Variants in EPS8L3 observed in about 807,000 individuals in gnomAD.
EPS8L3 encodes EPS8 signaling adaptor L3.
A neutral mutation model predicts 88.5 loss-of-function variants in EPS8L3; 80 were observed. That is an observed-to-expected ratio of 0.90 (90% CI 0.75 to 1.09). The LOEUF (loss-of-function observed/expected upper bound fraction) is 1.09, where lower values mean the gene tolerates loss of function less well. EPS8L3 is among the 50% of genes least tolerant of loss of function. The pLI is 0.00. For synonymous variants in EPS8L3, 286 were observed against 291.0 expected (o/e 0.98, Z 0.18); for missense variants, 721 against 735.2 (o/e 0.98, Z 0.22).
At position 109,750,391 on chromosome 1, in the gene EPS8L3, C is replaced by T. The variant is rs1257419243; in HGVS notation, c.1782G>A (p.Ter594=). 1.2e-6 allele frequency: 2 copies of T among 1,613,768 alleles called. No homozygotes were observed. Among genetic ancestry groups the T allele is most frequent in the Admixed American group, 3.3e-5 (2 of 59,986 alleles). The change falls in exon 19 of 19, where the codon TAG becomes TAA. Residue 594 remains the stop codon, a stop_retained_variant. Coordinates refer to ENST00000361965, the MANE Select transcript of EPS8L3 (RefSeq NM_133181.4). ...TTCTTGGAGGTGTCTAAGCTGGTGC[C>T]TAAGGGCTTATCTGAGGAAAGACAA... The part of the protein sequence containing the change: ...AVRRMLGISP[*]
chr1:109,758,336 C>G lies in EPS8L3; in HGVS notation c.697G>C (p.Glu233Gln), dbSNP rs150245280. The change falls in exon 8 of 19, where the codon GAG becomes CAG. Residue 233 changes from glutamate to glutamine, a missense_variant. Glu to Gln is a conservative substitution (Grantham distance 29). Transcript: ENST00000361965. ...LPPPRRSSSP[E>Q]DPERDEEVLN... Reference sequence around the variant, plus strand: ...GTTACCTCGTCCCTCTCTGGGTCCTCGGGGGAAGAGGACCGCCTTGGAGGA... The same window carrying G: ...GTTACCTCGTCCCTCTCTGGGTCCTGGGGGGAAGAGGACCGCCTTGGAGGA... 5.4e-5 allele frequency: 87 copies of G among 1,613,488 alleles called. No homozygotes were observed. The highest frequency in any genetic ancestry group is 6.9e-5 in the Non-Finnish European group (82 of 1,179,864).
At chr1:109,755,121 C>T (rs929108555) in intron 12 of EPS8L3, among the ~76,000 whole-genome samples, 31 of 152,276 alleles carry the variant, frequency 2.0e-4, no homozygotes, top group African/African-American at 6.7e-4. Flanking sequence ...TTTAAGTGAA[C>T]AAGCCACATA....
chr1:109,762,794 TAGAG>T (rs1192635443), intron 1 of EPS8L3, among the ~76,000 whole-genome samples: 1 of 152,234 alleles, frequency 6.6e-6, no homozygotes, highest in East Asian at 1.9e-4. Context: ...GAACGTTTAA[TAGAG>T]AGCAACCCAG....
At chr1:109,753,317 T>C (rs1326266663) in intron 12 of EPS8L3, 119 bp from the exon 13 acceptor site, 1 of 754,312 alleles carries the variant, frequency 1.3e-6, no homozygotes, top group African/African-American at 1.8e-5. Context: ...GGCTAATAGG[T>C]GACATGGTCC....
intron 18 of EPS8L3, 114 bp downstream of exon 18, chr1:109,750,546 C>T (rs568876247): frequency 6.3e-7 from 1 of 1,584,246 alleles, no homozygotes; most frequent in South Asian, 1.1e-5. Context: ...CCAGCACCCG[C>T]CACACTCAGT....
At position 109,753,150 on chromosome 1, in the gene EPS8L3, T is replaced by C. The variant is rs1887547; in HGVS notation, c.1167A>G (p.Ser389=). The change falls in exon 13 of 19, where the codon TCA becomes TCG. Residue 389 remains serine, a synonymous_variant. Transcript: ENST00000361965. The part of the protein sequence containing the change: ...DEPLPYQPTF[S]DDWQLPEPSS... Reference sequence around the variant, plus strand: ...AGGGCTCTGGAAGTTGCCAGTCATCTGAGAATGTGGGTTGGTAGGGCAGGG... The same window carrying C: ...AGGGCTCTGGAAGTTGCCAGTCATCCGAGAATGTGGGTTGGTAGGGCAGGG... 1,018,021 of 1,612,672 alleles carry C rather than the reference T, an allele frequency of 0.63. 326,142 individuals are homozygous for C. The highest frequency in any genetic ancestry group is 0.88 in the African/African-American group (65,851 of 74,920).
In EPS8L3 at chr1:109,761,726, G is replaced by C. The variant is rs781516579; in HGVS notation, c.24C>G (p.Ala8=). Residue 8 remains alanine (A), a synonymous_variant, in exon 2 of 19, where the codon GCC becomes GCG. Transcript: ENST00000361965. MSRPSSR[A]IYLHRKEYSQ... ...GGCCTGCCAGGAGCTTACAGTAAATGGCTCTGCTGCTGGGCCTTGACATGT... is the reference window on the plus strand; with the variant it reads ...GGCCTGCCAGGAGCTTACAGTAAATCGCTCTGCTGCTGGGCCTTGACATGT... 1.9e-6 allele frequency: 3 copies of C among 1,613,984 alleles called. No individual in the cohort carries two copies. The Admixed American group carries it at 5.0e-5, about 27-fold the overall frequency.
chr1:109,762,107 C>T (rs1651037931), intron 1 of EPS8L3, among the ~76,000 whole-genome samples: 1 of 152,164 alleles, frequency 6.6e-6, no homozygotes, highest in Non-Finnish European at 1.5e-5. Flanking sequence ...GGACAGGGAC[C>T]TGCGTTCAGA....
rs183852988 is a variant in EPS8L3 at position 109,759,087 on chromosome 1, C to T, written c.436G>A (p.Ala146Thr). The T allele has an allele frequency of 2.8e-4, 452 of 1,609,482 alleles. 3 individuals are homozygous for T. In the East Asian group the frequency reaches 5.1e-3, roughly 18 times the overall value. Residue 146 changes from alanine to threonine, a missense_variant, in exon 6 of 19, where the codon GCT (alanine) becomes ACT (threonine). Coordinates refer to ENST00000361965, the MANE Select transcript of EPS8L3 (RefSeq NM_133181.4). This position sits in a 1 kb window ranked among gnomAD's most constrained non-coding sequence, Gnocchi z 4.2. ...AERLKTSLQK[A>T]LEEELEQRPR... ...CTTTGCTCCAGCTCTTCCTCCAGAGCCTTCTGCAGGCTGGTCTTCAGTCGC... is the reference window on the plus strand; with the variant it reads ...CTTTGCTCCAGCTCTTCCTCCAGAGTCTTCTGCAGGCTGGTCTTCAGTCGC...
Position 109,761,770 on chromosome 1 carries a change from C to T in EPS8L3, c.-21G>A. 1 of 1,613,972 alleles carries T rather than the reference C, an allele frequency of 6.2e-7. No homozygotes were observed. The highest frequency in any genetic ancestry group is 8.5e-7 in the Non-Finnish European group (1 of 1,179,994). On this transcript the variant is annotated 5_prime_UTR_variant, in exon 2 of 19. Coordinates refer to ENST00000361965, the MANE Select transcript of EPS8L3 (RefSeq NM_133181.4). ...GACATGTTGACGCTGCTGAGGACGG[C>T]TCCCTAGAACCCAAAGTGAACCAGA...
chr1:109,754,916 G>A (rs546702937), intron 12 of EPS8L3, among the ~76,000 whole-genome samples: 1 of 152,284 alleles, frequency 6.6e-6, no homozygotes, highest in East Asian at 1.9e-4. Flanking sequence ...GGGAGGTCCA[G>A]AACTGATAAG....
At position 109,757,936 on chromosome 1, in the gene EPS8L3, G is replaced by A. The variant is rs760288084; in HGVS notation, c.832+8C>T. On this transcript the variant is annotated splice_region_variant and intron_variant, in intron 9 of 18. Transcript: ENST00000361965. ...CCCTACTCCTCTTCCCTGGCCCTCA[G>A]TACTCACCTCCCTGGTCCTTGTTTT... is the stretch of plus-strand genomic sequence containing the variant. The A allele has an allele frequency of 5.6e-6, 9 of 1,613,858 alleles. No individual in the cohort carries two copies. In the South Asian group the frequency reaches 7.7e-5, roughly 14 times the overall value.
rs577159080 is a variant in EPS8L3, at chr1:109,750,700, C to A, written c.1730G>T (p.Arg577Leu). Residue 577 changes from arginine (R) to leucine (L), a missense_variant, in exon 18 of 19, where the codon CGA (arginine) becomes CTA (leucine). Coordinates refer to ENST00000361965, the MANE Select transcript of EPS8L3 (RefSeq NM_133181.4). The stretch of plus-strand genomic sequence containing the variant: ...GACAGCCTCCAGCCGGGACAGGATT[C>A]GTGGGGCCTCCTGTGGACATAGCAT... ...LQMLCPQEAP[R>L]ILSRLEAVRR... The A allele has an allele frequency of 6.2e-7, 1 of 1,614,202 alleles. No individual in the cohort carries two copies. The highest frequency in any genetic ancestry group is 8.5e-7 in the Non-Finnish European group (1 of 1,180,040).
At chr1:109,761,202 G>A (rs573496716) in intron 3 of EPS8L3, 1 of 360,980 alleles carries the variant, frequency 2.8e-6, no homozygotes, top group African/African-American at 2.0e-5. Flanking sequence ...GTGGTTGTAG[G>A]TGCTTCTTAT....
At chr1:109,758,261 C>T (rs987126933) in intron 8 of EPS8L3, 55 bp downstream of exon 8, 1 of 1,530,038 alleles carries the variant, frequency 6.5e-7, no homozygotes, top group Non-Finnish European at 9.0e-7. Flanking sequence ...GGTTGGTGTC[C>T]TTCCTTTTCC....
At chr1:109,756,325 G>A (rs1266014392) in intron 12 of EPS8L3, among the ~76,000 whole-genome samples, 4 of 152,136 alleles carry the variant, frequency 2.6e-5, no homozygotes, top group South Asian at 2.1e-4. Context: ...TACAACCTCC[G>A]CCTCCCAGGT....
intron 7 of EPS8L3, 35 bp downstream of exon 7, chr1:109,758,489 C>G: frequency 1.3e-6 from 2 of 1,562,254 alleles, no homozygotes; most frequent in South Asian, 1.2e-5. Context: ...TCATCGAAAC[C>G]CTCTCCTTCA....
In EPS8L3 at chr1:109,758,860, C is replaced by T. The variant is rs191545690; in HGVS notation, c.462-197G>A. 2.0e-3 allele frequency among the ~76,000 whole-genome samples: 297 copies of T among 152,276 alleles called. 1 individual carries two copies. The highest frequency in any genetic ancestry group is 6.8e-3 in the African/African-American group (281 of 41,564). On this transcript the variant is annotated intron_variant, in intron 6 of 18. Transcript: ENST00000361965. The stretch of plus-strand genomic sequence containing the variant: ...CTACCCTCTGGGCCCTCTTGGGTCC[C>T]ATCTCAGTCTCTGAGGACAGTCTCT...
rs369325412 is a variant in EPS8L3 at position 109,758,307 on chromosome 1, C to T, written c.717+9G>A. On this transcript the variant is annotated intron_variant, in intron 8 of 18. Coordinates refer to ENST00000361965, the MANE Select transcript of EPS8L3 (RefSeq NM_133181.4). ...AAGCCTCAGCAAACTCAAGACCATCCGCAGTTACCTCGTCCCTCTCTGGGT... is the reference window on the plus strand; with the variant it reads ...AAGCCTCAGCAAACTCAAGACCATCTGCAGTTACCTCGTCCCTCTCTGGGT... The T allele has an allele frequency of 1.7e-5, 27 of 1,609,698 alleles. No individual in the cohort carries two copies. Among genetic ancestry groups the T allele is most frequent in the Middle Eastern group, 1.6e-4 (1 of 6,072 alleles).
Sources: allele counts gnomAD v4.1 joint callset (sites outside exome capture counted in the v4.1 genomes callset), GRCh38; gene constraint gnomAD v4.1.1; non-coding constraint Gnocchi (gnomAD v3.1); transcripts MANE v1.5; gene names NCBI Gene and HGNC (gene_info 2026-07-23, HGNC 2026-07-21).